A2ML1: variants seen among roughly 807,000 people sequenced by gnomAD.
A2ML1 encodes the protein alpha-2-macroglobulin like 1.
Under a neutral mutation model 181.9 loss-of-function variants are expected in A2ML1, and 161 were observed. That is an observed-to-expected ratio of 0.89 (90% CI 0.78 to 1.01). The LOEUF is 1.01. A2ML1 is among the 50% of genes least tolerant of loss of function. The pLI is 0.00. For synonymous variants in A2ML1, 663 were observed against 666.8 expected (o/e 0.99, Z 0.09); for missense variants, 1,670 against 1,768.1 (o/e 0.94, Z 1.00).
intron 22 of A2ML1, 87 bp downstream of exon 22, chr12:8,854,918 G>A (rs925437990): frequency 1.4e-5 from 18 of 1,314,658 alleles, no homozygotes; most frequent in East Asian, 9.6e-5. Context: ...TTTTTGAGAC[G>A]GAGTCTCGCT....
At chr12:8,843,436 C>A in intron 12 of A2ML1, 75 bp downstream of exon 12, 1 of 1,408,636 alleles carries the variant, frequency 7.1e-7, no homozygotes. Context: ...CCAGAGGGTG[C>A]ACCTAGGCTA....
In A2ML1 at chr12:8,838,352, G is replaced by A. The variant is rs1483291772; in HGVS notation, c.872G>A (p.Cys291Tyr). The A allele has an allele frequency of 1.9e-6, 3 of 1,613,244 alleles. No individual in the cohort carries two copies. The highest frequency in any genetic ancestry group is 1.7e-6 in the Non-Finnish European group (2 of 1,179,560). ...NLSGQTDKTG[C>Y]FSAPVDMATF... ...CCTCACTAGACTGACAAAACAGGAT[G>A]TTTCTCAGCACCTGTGGACATGGCC... is the stretch of plus-strand genomic sequence containing the variant. Residue 291 changes from cysteine to tyrosine, a missense_variant, in exon 9 of 36, where the codon TGT becomes TAT. By Grantham distance (194) the Cys-to-Tyr change is radical. Coordinates refer to ENST00000299698, the MANE Select transcript of A2ML1 (RefSeq NM_144670.6).
rs904599204 is a variant in A2ML1, at chr12:8,861,739, G to A, written c.3502+442G>A. Among the ~76,000 whole-genome samples, 37 of 151,048 alleles carry A rather than the reference G, an allele frequency of 2.4e-4. 1 individual carries two copies. The highest frequency in any genetic ancestry group is 4.7e-4 in the Non-Finnish European group (32 of 67,896). ...CCTGACCTCATGATCCACCCGCCTC[G>A]GCCTCCCAAAGTGCTGGTATTACAG... On this transcript the variant is annotated intron_variant, in intron 28 of 35. Transcript: ENST00000299698.
intron 27 of A2ML1, 70 bp downstream of exon 27, chr12:8,861,025 T>G: frequency 6.2e-7 from 1 of 1,606,172 alleles, no homozygotes; most frequent in Non-Finnish European, 8.5e-7. Context: ...TTCACCCATC[T>G]TTGTCTCTAG....
At position 8,857,576 on chromosome 12, in the gene A2ML1, A is replaced by C. The variant is rs774948500; in HGVS notation, c.3095A>C (p.Asn1032Thr). The change falls in exon 25 of 36, where the codon AAT becomes ACT. Residue 1032 changes from asparagine to threonine, a missense_variant. By Grantham distance (65) the Asn-to-Thr change is moderately conservative. Coordinates refer to ENST00000299698, the MANE Select transcript of A2ML1 (RefSeq NM_144670.6). Reference protein sequence around the residue: ...SYSAFGERDGNGNTWLTAFVT... With the variant: ...SYSAFGERDGTGNTWLTAFVT... ...AGTGCCTTTGGGGAGCGAGATGGAA[A>C]TGGAAACACATGGTAATATCACCCA... 3 of 1,610,786 alleles carry C rather than the reference A, an allele frequency of 1.9e-6. No individual in the cohort carries two copies. In the African/African-American group the frequency reaches 4.0e-5, roughly 21 times the overall value.
chr12:8,841,013 CGGAA>C lies in A2ML1; in HGVS notation c.1081-335_1081-332del, dbSNP rs71045214. 4.3e-3 allele frequency among the ~76,000 whole-genome samples: 578 copies of C among 135,416 alleles called. 8 individuals carry two copies. The highest frequency in any genetic ancestry group is 8.1e-3 in the African/African-American group (294 of 36,080). 88.8% of individuals were successfully genotyped at this position (135,416 alleles called of 152,430 possible). A position where few individuals can be genotyped will look rare whatever the true frequency, so the allele number is the denominator to read the frequency against. ...AAGGAAGGAAGGAAGGAAGGAAGGA[CGGAA>C]GGAAGGAAGGAAGGAAGGAAAGAAA... is the stretch of plus-strand genomic sequence containing the variant. On this transcript the variant is annotated intron_variant, in intron 10 of 35. Coordinates refer to ENST00000299698, the MANE Select transcript of A2ML1 (RefSeq NM_144670.6).
At chr12:8,861,805 G>A (rs1005667618) in intron 28 of A2ML1, among the ~76,000 whole-genome samples, 3 of 150,204 alleles carry the variant, frequency 2.0e-5, no homozygotes, top group African/African-American at 7.4e-5. Context: ...TCTTGCCCAA[G>A]CTGGAGTGCA....
intron 29 of A2ML1, 138 bp from the exon 30 acceptor site, chr12:8,867,704 G>T: frequency 1.4e-6 from 1 of 692,708 alleles, no homozygotes; most frequent in East Asian, 2.7e-5. Context: ...AGAGGAGGTG[G>T]GTATAGTTCT....
intron 29 of A2ML1, 61 bp from the exon 30 acceptor site, chr12:8,867,781 G>A: frequency 6.8e-7 from 1 of 1,473,226 alleles, no homozygotes; most frequent in Non-Finnish European, 9.5e-7. Flanking sequence ...TTATAGAGTT[G>A]TTCAAGGTTA....
At chr12:8,836,397 AG>A in intron 7 of A2ML1, 58 bp downstream of exon 7, 1 of 1,406,450 alleles carries the variant, frequency 7.1e-7, no homozygotes, top group Non-Finnish European at 9.9e-7. Flanking sequence ...AGACATGATG[AG>A]GGGATGACAT....
downstream of A2ML1, chr12:8,880,530 C>T (rs1407841620): frequency 6.6e-6 from 1 of 152,034 alleles, no homozygotes; most frequent in Non-Finnish European, 1.5e-5. Flanking sequence ...TCAGAAAGAT[C>T]ATTCTAGCAG....
intron 26 of A2ML1, 175 bp downstream of exon 26, chr12:8,858,277 C>G (rs1944140927): frequency 4.2e-6 from 3 of 719,098 alleles, no homozygotes; most frequent in Admixed American, 3.0e-5. Flanking sequence ...GTTTTCATGT[C>G]TGTAGAATGA....
chr12:8,861,057 G>A, intron 27 of A2ML1, 78 bp from the exon 28 acceptor site: 5 of 1,605,828 alleles, frequency 3.1e-6, no homozygotes, highest in Non-Finnish European at 2.6e-6. Flanking sequence ...AGGTCAAGAA[G>A]GATAAGATGA....
intron 5 of A2ML1, chr12:8,834,948 C>G: frequency 3.9e-6 from 2 of 519,272 alleles, no homozygotes; most frequent in Non-Finnish European, 3.4e-6. Flanking sequence ...CTTCTCTGTG[C>G]CCAGATGACT....
intron 22 of A2ML1, 26 bp from the exon 23 acceptor site, chr12:8,855,483 G>A: frequency 6.2e-7 from 1 of 1,611,706 alleles, no homozygotes; most frequent in Non-Finnish European, 8.5e-7. Flanking sequence ...CTTCTATTGT[G>A]TCACCTTTTT....
At chr12:8,851,279 C>T (rs908842843) in intron 18 of A2ML1, among the ~76,000 whole-genome samples, 1 of 152,182 alleles carries the variant, frequency 6.6e-6, no homozygotes, top group Non-Finnish European at 1.5e-5. Context: ...ATGCCCACCC[C>T]GACTCCCCAC....
chr12:8,843,109 T>TTC (rs751956881), intron 11 of A2ML1, 25 bp from the exon 12 acceptor site: 7 of 1,584,354 alleles, frequency 4.4e-6, no homozygotes, highest in Non-Finnish European at 6.1e-6. Flanking sequence ...CATGCTAAAA[T>TTC]TCTCTCTCTC....
chr12:8,881,706 C>T (rs765040336), downstream of A2ML1, among the ~76,000 whole-genome samples: 30 of 152,172 alleles, frequency 2.0e-4, 1 homozygote, highest in South Asian at 6.2e-3. Context: ...ATAGTGTGTT[C>T]AGTTTACTAC....
intron 31 of A2ML1, 86 bp from the exon 32 acceptor site, chr12:8,868,451 T>C: frequency 6.8e-7 from 1 of 1,472,118 alleles, no homozygotes; most frequent in East Asian, 2.3e-5. Flanking sequence ...TGTATGTGTG[T>C]GTGTACGTGT....
Sources: gnomAD v4.1 joint callset for allele counts (sites outside exome capture counted in the v4.1 genomes callset) on GRCh38, gnomAD v4.1.1 for gene constraint, MANE v1.5 for transcripts, NCBI Gene and HGNC (gene_info 2026-07-23, HGNC 2026-07-21) for gene names.